Variants in AP2A1 observed in about 807,000 individuals in gnomAD.
AP2A1 encodes the protein AP-2 complex subunit alpha-1.
AP2A1 carries 21 observed loss-of-function variants against 107.3 expected under a neutral mutation model. The observed-to-expected ratio is 0.20, with a 90% confidence interval of 0.14 to 0.28. AP2A1 has a LOEUF of 0.28. Ranked by LOEUF, AP2A1 falls within the 10% of genes least tolerant of loss-of-function variation. The pLI is 1.00. For synonymous variants in AP2A1, 602 were observed against 564.8 expected (o/e 1.07, Z -0.93); for missense variants, 873 against 1,307.7 (o/e 0.67, Z 5.13).
chr19:49,795,059 C>G (rs1467652924), intron 6 of AP2A1, among the ~76,000 whole-genome samples: 2 of 152,220 alleles, frequency 1.3e-5, no homozygotes, highest in African/African-American at 4.8e-5. Context: ...AGGGTCAGAC[C>G]CAATCCCTGC....
At position 49,779,511 on chromosome 19, in the gene AP2A1, A is replaced by AAAAAC. The variant is rs369375626; in HGVS notation, c.68-2246_68-2245insAAAAC. ...ACAAAAAAAAAAAAAAAAAAAAAAA[A>AAAAAC]CAGAAACAGGCAAAATTAATTTTAA... On this transcript the variant is annotated intron_variant, in intron 1 of 22. Coordinates refer to ENST00000354293, the MANE Select transcript of AP2A1 (RefSeq NM_130787.3). Among the ~76,000 whole-genome samples the AAAAAC allele has an allele frequency of 1.6e-3, 231 of 145,418 alleles. 1 individual carries two copies. Among genetic ancestry groups the AAAAAC allele is most frequent in the African/African-American group, 6.0e-3 (225 of 37,366 alleles).
intron 1 of AP2A1, among the ~76,000 whole-genome samples, chr19:49,781,485 A>C (rs2084674853): frequency 6.6e-6 from 1 of 152,084 alleles, no homozygotes; most frequent in Non-Finnish European, 1.5e-5. Context: ...GAGGAGCCCC[A>C]CAAATCAGGG....
intron 18 of AP2A1, 91 bp from the exon 19 acceptor site, chr19:49,805,362 G>A (rs1009245489): frequency 9.3e-6 from 13 of 1,396,166 alleles, no homozygotes; most frequent in Admixed American, 2.8e-5. Flanking sequence ...AAGACCTGCA[G>A]GCGGGAGCTG....
rs1478498665 is a variant in AP2A1, at chr19:49,802,132, C to T, written c.2105C>T (p.Ala702Val). 1 of 1,567,524 alleles carries T rather than the reference C, an allele frequency of 6.4e-7. No individual in the cohort carries two copies. Among genetic ancestry groups the T allele is most frequent in the Non-Finnish European group, 8.6e-7 (1 of 1,163,440 alleles). Residue 702 changes from alanine (A) to valine (V), a missense_variant, in exon 15 of 23, where the codon GCC (alanine) becomes GTC (valine). By Grantham distance (64) the Ala-to-Val change is moderately conservative (BLOSUM62 0). Coordinates refer to ENST00000354293, the MANE Select transcript of AP2A1 (RefSeq NM_130787.3). ...QPSLGPTPEE[A>V]FLSPGPEDIG... ...AGCCTGGGGCCCACCCCCGAGGAGG[C>T]CTTCCTCAGGTAGCACCCCCTGGGC...
chr19:49,792,022 G>A lies in AP2A1; in HGVS notation c.561G>A (p.Glu187=), dbSNP rs2123720823. 6.2e-7 allele frequency: 1 copy of A among 1,612,940 alleles called. No homozygotes were observed. The highest frequency in any genetic ancestry group is 1.1e-5 in the South Asian group (1 of 91,030). The part of the protein sequence containing the change: ...KASPDLVPMG[E]WTARVVHLLN... ...CGCCTGACCTGGTGCCCATGGGCGA[G>A]TGGACGGCGCGTGTGGTACACCTGC... Residue 187 remains glutamate, a synonymous_variant, in exon 5 of 23, where the codon GAG becomes GAA. Transcript: ENST00000354293.
chr19:49,774,599 A>G (rs896026737), intron 1 of AP2A1, among the ~76,000 whole-genome samples: 1 of 151,474 alleles, frequency 6.6e-6, no homozygotes, highest in Non-Finnish European at 1.5e-5. Flanking sequence ...CACGCCCGGC[A>G]TATGTTGAAA....
At chr19:49,773,699 A>T (rs1453256013) in intron 1 of AP2A1, among the ~76,000 whole-genome samples, 1 of 152,106 alleles carries the variant, frequency 6.6e-6, no homozygotes, top group East Asian at 1.9e-4. Context: ...GAGGCAAGGA[A>T]AGGGCTTGGG....
chr19:49,780,495 T>C (rs958299454), intron 1 of AP2A1, among the ~76,000 whole-genome samples: 2 of 151,682 alleles, frequency 1.3e-5, no homozygotes, highest in Admixed American at 6.6e-5. Flanking sequence ...ACAGTAGGGG[T>C]CTGAGGGGTG....
At chr19:49,802,311 G>A in intron 15 of AP2A1, 170 bp downstream of exon 15, 1 of 819,028 alleles carries the variant, frequency 1.2e-6, no homozygotes. Context: ...CAGCCTCCCT[G>A]CTCACGCCCT....
chr19:49,795,003 G>C (rs763136635), intron 6 of AP2A1, among the ~76,000 whole-genome samples: 1 of 152,122 alleles, frequency 6.6e-6, no homozygotes, highest in Admixed American at 6.5e-5. Flanking sequence ...CCTCTTCCCC[G>C]AACCTCTTCC....
Position 49,801,828 on chromosome 19 carries a change from G to A in AP2A1, c.1892G>A (p.Gly631Asp), listed in dbSNP as rs1184493596. ...GGGGCCGGCAGCGCCCTGGACGATGGCCGGAGGGACCCCAGCAGCAACGAC... is the reference window on the plus strand; with the variant it reads ...GGGGCCGGCAGCGCCCTGGACGATGACCGGAGGGACCCCAGCAGCAACGAC... ...GPGAGSALDD[G>D]RRDPSSNDIN... is the part of the protein sequence containing the mutation. Residue 631 changes from glycine to aspartate, a missense_variant, in exon 14 of 23, where the codon GGC becomes GAC. Physicochemically the swap from Gly to Asp is moderately conservative, Grantham distance 94. Coordinates refer to ENST00000354293, the MANE Select transcript of AP2A1 (RefSeq NM_130787.3). 7 of 1,524,610 alleles carry A rather than the reference G, an allele frequency of 4.6e-6. No homozygotes were observed. The African/African-American group carries it at 8.3e-5, about 18-fold the overall frequency. The allele number at this position is 1,524,610 out of a possible 1,614,324, so 94.4% of individuals were successfully genotyped here.
chr19:49,778,564 CAA>C (rs887153466), intron 1 of AP2A1, among the ~76,000 whole-genome samples: 2 of 152,044 alleles, frequency 1.3e-5, no homozygotes, highest in African/African-American at 4.8e-5. Flanking sequence ...GCCTGGGCGA[CAA>C]GAGTGAAACT....
At chr19:49,771,862 C>T (rs1399143540) in intron 1 of AP2A1, among the ~76,000 whole-genome samples, 2 of 151,982 alleles carry the variant, frequency 1.3e-5, no homozygotes, top group Non-Finnish European at 2.9e-5. Flanking sequence ...GCTGTGTGGG[C>T]AGGAAGTAGG....
Position 49,801,414 on chromosome 19 carries a change from C to T in AP2A1, c.1578C>T (p.Leu526=). Residue 526 remains leucine (L), a synonymous_variant, in exon 13 of 23, where the codon CTC becomes CTT. Transcript: ENST00000354293. ...GCCCCCCAGTGCAGTTCTCCCTGCT[C>T]CACTCCAAGTTCCATCTGTGCAGCG... The part of the protein sequence containing the change: ...RSSPPVQFSL[L]HSKFHLCSVA... The T allele has an allele frequency of 6.2e-7, 1 of 1,613,672 alleles. No individual in the cohort carries two copies. The highest frequency in any genetic ancestry group is 8.5e-7 in the Non-Finnish European group (1 of 1,179,822).
At chr19:49,771,440 CT>C (rs35833414) in intron 1 of AP2A1, among the ~76,000 whole-genome samples, 150 of 113,552 alleles carry the variant, frequency 1.3e-3, no homozygotes, top group African/African-American at 4.3e-3. Context: ...AATTGTATCT[CT>C]TTTTTTTTGT....
rs996310239 is a variant in AP2A1 at position 49,788,058 on chromosome 19, C to G, written c.474-3877C>G. 1.3e-5 allele frequency among the ~76,000 whole-genome samples: 2 copies of G among 152,162 alleles called. No homozygotes were observed. The highest frequency in any genetic ancestry group is 2.9e-5 in the Non-Finnish European group (2 of 68,028). On this transcript the variant is annotated intron_variant, in intron 4 of 22. Coordinates refer to ENST00000354293, the MANE Select transcript of AP2A1 (RefSeq NM_130787.3). This position sits in a 1 kb window ranked among gnomAD's most constrained non-coding sequence, Gnocchi z 4.5. ...ACCTCCCAGGCTCAGGTGATCCTCC[C>G]ACGTCAGCCACTCCAGCAGCCGGGA...
At position 49,802,976 on chromosome 19, in the gene AP2A1, CA is replaced by C. The variant is rs2073310373; in HGVS notation, c.2143del (p.Ile715PhefsTer8). ...CAGGTCCTGAGGACATCGGCCCTCC[CA>C]TTCCGGAAGCCGATGAGTTGCTGAA... ...SPGPEDIGPP[I>X]PEADELLNKF... On this transcript the variant is annotated frameshift_variant, in exon 16 of 23. Coordinates refer to ENST00000354293, the MANE Select transcript of AP2A1 (RefSeq NM_130787.3). LOFTEE classifies it high-confidence loss of function. The C allele has an allele frequency of 1.2e-6, 2 of 1,613,380 alleles. No homozygotes were observed. The highest frequency in any genetic ancestry group is 1.7e-6 in the Non-Finnish European group (2 of 1,179,744).
chr19:49,784,616 A>G (rs1256744093), intron 4 of AP2A1, among the ~76,000 whole-genome samples: 1 of 151,720 alleles, frequency 6.6e-6, no homozygotes, highest in African/African-American at 2.4e-5. Context: ...AGTGGCTTAC[A>G]CCTATAATCC....
At chr19:49,776,955 G>T (rs573875380) in intron 1 of AP2A1, among the ~76,000 whole-genome samples, 75 of 152,152 alleles carry the variant, frequency 4.9e-4, no homozygotes, top group Admixed American at 1.0e-3. Context: ...CAGGTGCAGT[G>T]GCTCATGCCT....
Sources: allele counts gnomAD v4.1 joint callset (sites outside exome capture counted in the v4.1 genomes callset), GRCh38; gene constraint gnomAD v4.1.1; non-coding constraint Gnocchi (gnomAD v3.1); transcripts MANE v1.5; gene names NCBI Gene and HGNC (gene_info 2026-07-23, HGNC 2026-07-21).